Variants in CDH4 observed in about 807,000 individuals in gnomAD.
The protein encoded by CDH4 is cadherin-4.
In CDH4, 33 loss-of-function variants were observed where a neutral mutation model predicts 86.0. The observed-to-expected ratio is 0.38, with a 90% CI of 0.29 to 0.51. The LOEUF is 0.51. Ranked by LOEUF, CDH4 falls within the 20% of genes least tolerant of loss-of-function variation. The pLI is 0.86. For missense variants in CDH4, 1,114 were observed against 1,307.4 expected (o/e 0.85, Z 2.28); for synonymous variants, 555 against 549.4 (o/e 1.01, Z -0.14).
At chr20:61,800,408 T>C (rs1421263160) in intron 4 of CDH4, among the ~76,000 whole-genome samples, 1 of 152,218 alleles carries the variant, frequency 6.6e-6, no homozygotes, top group African/African-American at 2.4e-5. Flanking sequence ...CTGACCCAGC[T>C]TCAGGGCCAC....
chr20:61,529,772 T>G (rs951714517), intron 2 of CDH4, among the ~76,000 whole-genome samples: 4 of 152,232 alleles, frequency 2.6e-5, no homozygotes, highest in African/African-American at 4.8e-5. Context: ...TTCTCGTTCT[T>G]GCTCAAGGTT....
At chr20:61,280,915 C>T (rs369561168) in intron 2 of CDH4, among the ~76,000 whole-genome samples, 88 of 152,324 alleles carry the variant, frequency 5.8e-4, no homozygotes, top group East Asian at 2.3e-3. Context: ...CCCTGCCGCC[C>T]GCTGCCTGCT....
At chr20:61,714,277 A>G (rs2087928540) in intron 2 of CDH4, among the ~76,000 whole-genome samples, 1 of 151,980 alleles carries the variant, frequency 6.6e-6, no homozygotes, top group South Asian at 2.1e-4. Context: ...CCATCTCCTG[A>G]CCTCATGATC....
At chr20:61,763,792 T>C (rs976362254) in intron 3 of CDH4, among the ~76,000 whole-genome samples, 3 of 152,182 alleles carry the variant, frequency 2.0e-5, no homozygotes, top group Non-Finnish European at 4.4e-5. Context: ...GGTTCCTCCT[T>C]GGCTCTTCAT....
intron 2 of CDH4, among the ~76,000 whole-genome samples, chr20:61,669,869 C>G (rs185210036): frequency 2.0e-5 from 3 of 152,312 alleles, no homozygotes; most frequent in Non-Finnish European, 4.4e-5. Context: ...GGACACGGCT[C>G]TGGGAGCAAA....
intron 2 of CDH4, among the ~76,000 whole-genome samples, chr20:61,290,613 A>G (rs2084315801): frequency 6.6e-6 from 1 of 152,228 alleles, no homozygotes; most frequent in Non-Finnish European, 1.5e-5. Context: ...TGCAGATGGC[A>G]TGGGCACAAA....
chr20:61,746,197 C>A (rs115335113), intron 3 of CDH4, among the ~76,000 whole-genome samples: 15 of 152,288 alleles, frequency 9.8e-5, no homozygotes, highest in Non-Finnish European at 2.2e-4. Context: ...TTACAAGCCA[C>A]GCCCTGGTGA....
chr20:61,301,620 A>G (rs73319114), intron 2 of CDH4, among the ~76,000 whole-genome samples: 2,035 of 152,354 alleles, frequency 0.013, 47 homozygotes, highest in African/African-American at 0.047. Flanking sequence ...CTTTTCTTCT[A>G]ATTAGTGTAA....
chr20:61,751,437 C>A (rs1361360057), intron 3 of CDH4, among the ~76,000 whole-genome samples: 2 of 152,130 alleles, frequency 1.3e-5, no homozygotes, highest in Non-Finnish European at 2.9e-5. Context: ...AAATAATGAG[C>A]CCAGAAAAAG....
intron 2 of CDH4, among the ~76,000 whole-genome samples, chr20:61,316,972 C>G (rs11906874): frequency 6.6e-6 from 1 of 151,800 alleles, no homozygotes; most frequent in African/African-American, 2.4e-5. Context: ...AAAGACGTGC[C>G]TTGCAGTGGA....
chr20:61,439,163 T>C (rs553308928), intron 2 of CDH4, among the ~76,000 whole-genome samples: 1 of 152,256 alleles, frequency 6.6e-6, no homozygotes, highest in South Asian at 2.1e-4. Flanking sequence ...ATCTTGGTGC[T>C]TGAAGTTGTG....
In CDH4 at chr20:61,710,875, C is replaced by T. The variant is rs763727880; in HGVS notation, c.170-32688C>T. 5.3e-5 allele frequency among the ~76,000 whole-genome samples: 8 copies of T among 152,332 alleles called. No homozygotes were observed. The South Asian group carries it at 8.3e-4, about 16-fold the overall frequency. On this transcript the variant is annotated intron_variant, in intron 2 of 15. Coordinates refer to ENST00000614565, the MANE Select transcript of CDH4 (RefSeq NM_001794.5). ...AGGGGGTCCCTGCCCTCATGAAGCG[C>T]GCCTGCCGGGGAGAGTGCACCAGAT...
At position 61,543,067 on chromosome 20, in the gene CDH4, ACT is replaced by A. The variant is rs558963370; in HGVS notation, c.170-200494_170-200493del. Among the ~76,000 whole-genome samples the A allele has an allele frequency of 6.6e-5, 10 of 152,266 alleles. No homozygotes were observed. In the East Asian group the frequency reaches 1.9e-3, roughly 29 times the overall value. On this transcript the variant is annotated intron_variant, in intron 2 of 15. Transcript: ENST00000614565. ...TCGGGAGAAAGATGGAGACCAGAAG[ACT>A]CAGCCAGTCCAGTCCTTCCACGTTC...
intron 2 of CDH4, among the ~76,000 whole-genome samples, chr20:61,413,531 C>G (rs754052283): frequency 6.6e-6 from 1 of 152,170 alleles, no homozygotes; most frequent in Non-Finnish European, 1.5e-5. Flanking sequence ...GACTGCTGCA[C>G]GGGATGGCAT....
chr20:61,771,475 T>C (rs1055783512), intron 3 of CDH4, among the ~76,000 whole-genome samples: 4 of 151,858 alleles, frequency 2.6e-5, no homozygotes, highest in African/African-American at 9.7e-5. Flanking sequence ...AATACAAAAA[T>C]TAGCCAGATG....
chr20:61,582,646 C>T lies in CDH4; in HGVS notation c.170-160917C>T, dbSNP rs1568696872. On this transcript the variant is annotated intron_variant, in intron 2 of 15. Transcript: ENST00000614565. This position sits in a 1 kb window ranked among gnomAD's most constrained non-coding sequence, Gnocchi z 4.2. ...AGGGCCTGGTGCGGTGGAGCCCAGG[C>T]AGTGCTCCCTGCACCTGTCAGGAGC... 6.6e-6 allele frequency among the ~76,000 whole-genome samples: 1 copy of T among 152,182 alleles called. No individual in the cohort carries two copies. Among genetic ancestry groups the T allele is most frequent in the Non-Finnish European group, 1.5e-5 (1 of 68,026 alleles).
intron 2 of CDH4, among the ~76,000 whole-genome samples, chr20:61,378,185 T>C (rs751049781): frequency 2.0e-4 from 31 of 152,100 alleles, no homozygotes; most frequent in Non-Finnish European, 4.1e-4. Context: ...GCCCACGAGG[T>C]TGAGTCTGCA....
chr20:61,867,416 G>T (rs1983596818), intron 6 of CDH4, among the ~76,000 whole-genome samples: 1 of 152,120 alleles, frequency 6.6e-6, no homozygotes, highest in Admixed American at 6.6e-5. Context: ...CGGGCATGTT[G>T]GTGCACTCCT....
At chr20:61,581,270 G>T (rs1216674515) in intron 2 of CDH4, among the ~76,000 whole-genome samples, 3 of 152,208 alleles carry the variant, frequency 2.0e-5, no homozygotes, top group Non-Finnish European at 4.4e-5. Flanking sequence ...TGTTACAGAT[G>T]AGCACAAACC....
Sources: gnomAD v4.1 joint callset for allele counts (sites outside exome capture counted in the v4.1 genomes callset) on GRCh38, gnomAD v4.1.1 for gene constraint, Gnocchi (gnomAD v3.1) non-coding constraint, MANE v1.5 for transcripts, NCBI Gene and HGNC (gene_info 2026-07-23, HGNC 2026-07-21) for gene names.